The following ABL2 variants were observed in gnomAD, a reference collection of about 807,000 sequenced individuals.
ABL2 encodes the protein ABL proto-oncogene 2, non-receptor tyrosine kinase, also known as tyrosine-protein kinase ABL2.
In ABL2, 49 loss-of-function variants were observed where a neutral mutation model predicts 107.7. The observed-to-expected ratio is 0.45, with a 90% CI of 0.36 to 0.58. The LOEUF is 0.58. ABL2 is among the 20% of genes least tolerant of loss of function. The probability of loss-of-function intolerance (pLI) is 0.00; values close to 1 mark genes in which losing one functional copy is unlikely to be tolerated. For synonymous variants in ABL2, 549 were observed against 548.6 expected (o/e 1.00, Z -0.01); for missense variants, 1,245 against 1,457.0 (o/e 0.85, Z 2.37).
chr1:179,156,781 C>T (rs1303611754), intron 1 of ABL2, among the ~76,000 whole-genome samples: 5 of 151,772 alleles, frequency 3.3e-5, no homozygotes, highest in Admixed American at 6.6e-5. Flanking sequence ...GGAAAGGTGA[C>T]GCAGGAGAAT....
chr1:179,198,693 C>CAAAA (rs534990752), intron 1 of ABL2, among the ~76,000 whole-genome samples: 45 of 34,910 alleles, frequency 1.3e-3, no homozygotes, highest in African/African-American at 3.7e-3. Flanking sequence ...ACTCCATCTC[C>CAAAA]AAAAAAAAAA....
intron 1 of ABL2, among the ~76,000 whole-genome samples, chr1:179,217,593 T>C (rs1662639120): frequency 6.7e-6 from 1 of 148,796 alleles, no homozygotes. Context: ...GCCATTGCAC[T>C]CCAGCCTGGG....
At position 179,107,690 on chromosome 1, in the gene ABL2, G is replaced by T; in HGVS notation, c.*28C>A. ...CTTTTCCCTCTCCCCTCAGAAATGT[G>T]TGCATTTTCCCACCAGGCTAACAGT... On this transcript the variant is annotated 3_prime_UTR_variant, in exon 12 of 12. Coordinates refer to ENST00000502732, the MANE Select transcript of ABL2 (RefSeq NM_007314.4). The T allele has an allele frequency of 6.4e-7, 1 of 1,564,340 alleles. No homozygotes were observed. Among genetic ancestry groups the T allele is most frequent in the South Asian group, 1.2e-5 (1 of 82,612 alleles).
At chr1:179,194,573 C>T (rs1225689058) in intron 1 of ABL2, among the ~76,000 whole-genome samples, 1 of 152,152 alleles carries the variant, frequency 6.6e-6, no homozygotes, top group Non-Finnish European at 1.5e-5. Context: ...ACTCTACACA[C>T]AAAACACTTC....
At chr1:179,138,368 C>A (rs541369734) in intron 1 of ABL2, among the ~76,000 whole-genome samples, 2 of 152,026 alleles carry the variant, frequency 1.3e-5, no homozygotes, top group South Asian at 4.2e-4. Flanking sequence ...CAAAGTACTG[C>A]GATTACAAGC....
intron 1 of ABL2, among the ~76,000 whole-genome samples, chr1:179,201,332 T>A (rs1405407694): frequency 6.6e-6 from 1 of 152,264 alleles, no homozygotes; most frequent in Non-Finnish European, 1.5e-5. Flanking sequence ...TATTGAAATT[T>A]GTATCTTTTT....
At chr1:179,124,275 T>C (rs1655517325) in intron 4 of ABL2, among the ~76,000 whole-genome samples, 3 of 151,448 alleles carry the variant, frequency 2.0e-5, no homozygotes, top group African/African-American at 7.3e-5. Flanking sequence ...TTTGTTTTAG[T>C]GTATAAAGTA....
intron 1 of ABL2, among the ~76,000 whole-genome samples, chr1:179,148,668 G>A (rs549625061): frequency 8.5e-5 from 13 of 152,228 alleles, no homozygotes; most frequent in African/African-American, 1.9e-4. Context: ...TTGTGAGGCC[G>A]AGGTGGACAG....
At chr1:179,217,933 C>T (rs1011032053) in intron 1 of ABL2, among the ~76,000 whole-genome samples, 38 of 152,100 alleles carry the variant, frequency 2.5e-4, no homozygotes, top group African/African-American at 9.2e-4. Flanking sequence ...AACTAGGCAC[C>T]AGCATATACC....
chr1:179,157,394 G>C (rs1008117374), intron 1 of ABL2, among the ~76,000 whole-genome samples: 1 of 152,018 alleles, frequency 6.6e-6, no homozygotes, highest in African/African-American at 2.4e-5. Flanking sequence ...CTACTCGGTA[G>C]GCTGAGGCAG....
rs1172153395 is a variant in ABL2, at chr1:179,106,528, A to T, written c.*1190T>A. On this transcript the variant is annotated 3_prime_UTR_variant, in exon 12 of 12. Coordinates refer to ENST00000502732, the MANE Select transcript of ABL2 (RefSeq NM_007314.4). ...ATATGTGAGAGAAGAAAAGCATGTG[A>T]GAATAATGTGGGGGTGATTCACTTC... 4.3e-6 allele frequency: 1 copy of T among 233,026 alleles called. No individual in the cohort carries two copies. The highest frequency in any genetic ancestry group is 2.2e-5 in the African/African-American group (1 of 45,328). 14.4% of individuals were successfully genotyped at this position (233,026 alleles called of 1,614,324 possible).
At chr1:179,202,413 C>T (rs1006178710) in intron 1 of ABL2, among the ~76,000 whole-genome samples, 1 of 152,190 alleles carries the variant, frequency 6.6e-6, no homozygotes, top group African/African-American at 2.4e-5. Flanking sequence ...TCCTCCTACA[C>T]ATTTTTGTTT....
At position 179,101,192 on chromosome 1, in the gene ABL2, C is replaced by A. The variant is rs1653057250; in HGVS notation, c.*6526G>T. The A allele has an allele frequency of 8.8e-6, 2 of 227,240 alleles. No homozygotes were observed. Among genetic ancestry groups the A allele is most frequent in the Admixed American group, 5.7e-5 (1 of 17,600 alleles). The allele number at this position is 227,240 out of a possible 1,614,324, so 14.1% of individuals were successfully genotyped here. A position where few individuals can be genotyped will look rare whatever the true frequency, so the allele number is the denominator to read the frequency against. On this transcript the variant is annotated 3_prime_UTR_variant, in exon 12 of 12. Coordinates refer to ENST00000502732, the MANE Select transcript of ABL2 (RefSeq NM_007314.4). ...CTCATGAAACCCATCTTTGAAGGCA[C>A]AAATCTCCAAGGGTGGCCTCTCAGC...
intron 1 of ABL2, among the ~76,000 whole-genome samples, chr1:179,158,168 A>T (rs1257650586): frequency 3.9e-5 from 6 of 152,212 alleles, no homozygotes; most frequent in African/African-American, 1.4e-4. Context: ...TGGGGACAGG[A>T]AAGAATAGGC....
At position 179,131,404 on chromosome 1, in the gene ABL2, TCTC is replaced by T; in HGVS notation, c.295_297del (p.Glu99del). On this transcript the variant is annotated inframe_deletion, in exon 3 of 12. Coordinates refer to ENST00000502732, the MANE Select transcript of ABL2 (RefSeq NM_007314.4). Reference sequence around the variant, plus strand: ...TCACTCTCAGTGGCTCCGAGCAAGTTCTCCTTGGAGCTCCACCTGATAGCCTCA... The same window carrying T: ...TCACTCTCAGTGGCTCCGAGCAAGTTCTTGGAGCTCCACCTGATAGCCTCA... 1 of 1,614,070 alleles carries T rather than the reference TCTC, an allele frequency of 6.2e-7. No individual in the cohort carries two copies. The highest frequency in any genetic ancestry group is 8.5e-7 in the Non-Finnish European group (1 of 1,179,972).
At chr1:179,215,491 T>C (rs548686294) in intron 1 of ABL2, among the ~76,000 whole-genome samples, 39 of 152,238 alleles carry the variant, frequency 2.6e-4, no homozygotes, top group African/African-American at 8.4e-4. Flanking sequence ...CCCAGCACTT[T>C]GGGAGGCAAA....
chr1:179,207,414 C>T (rs1662038510), intron 1 of ABL2, among the ~76,000 whole-genome samples: 1 of 152,172 alleles, frequency 6.6e-6, no homozygotes, highest in Admixed American at 6.5e-5. Context: ...ATACAATATA[C>T]TACCTTGTAT....
rs562055017 is a variant in ABL2, at chr1:179,151,571, A to C, written c.158-18197T>G. ...GAGTGCTTTGCTAATAATTGACAAA[A>C]AAAGGATTAACTCATTTTAAAAATC... On this transcript the variant is annotated intron_variant, in intron 1 of 11. Transcript: ENST00000502732. 5.8e-4 allele frequency among the ~76,000 whole-genome samples: 88 copies of C among 152,342 alleles called. 1 individual carries two copies. The highest frequency in any genetic ancestry group is 3.1e-3 in the Admixed American group (48 of 15,310).
rs2102685441 is a variant in ABL2, at chr1:179,136,014, C to G, written c.158-2640G>C. Among the ~76,000 whole-genome samples, 2 of 149,248 alleles carry G rather than the reference C, an allele frequency of 1.3e-5. 1 individual carries two copies. Among genetic ancestry groups the G allele is most frequent in the East Asian group, 4.2e-4 (2 of 4,816 alleles). ...CCCGTCCAGGAGGTGACGGGCACCT[C>G]TGCCCGGCCGCCCCTACTGGGAAGT... On this transcript the variant is annotated intron_variant, in intron 1 of 11. Transcript: ENST00000502732.
Sources: allele counts gnomAD v4.1 joint callset (sites outside exome capture counted in the v4.1 genomes callset), GRCh38; gene constraint gnomAD v4.1.1; transcripts MANE v1.5; gene names NCBI Gene and HGNC (gene_info 2026-07-23, HGNC 2026-07-21).